The following MGAT4C variants were observed in gnomAD, a reference collection of about 807,000 sequenced individuals.
MGAT4C encodes the protein alpha-1,3-mannosyl-glycoprotein 4-beta-N-acetylglucosaminyltransferase C.
MGAT4C carries 19 observed loss-of-function variants against 40.1 expected under a neutral mutation model. The ratio of observed to expected loss-of-function variants is 0.47; its 90% CI spans 0.33 to 0.70. MGAT4C has a LOEUF of 0.70. Ranked by LOEUF, MGAT4C falls within the 30% of genes least tolerant of loss-of-function variation. MGAT4C has a pLI of 0.02. For missense variants in MGAT4C, 491 were observed against 563.2 expected, an observed-to-expected ratio of 0.87 and a Z score of 1.30; for synonymous variants, 181 against 187.1, an observed-to-expected ratio of 0.97 and a Z score of 0.27.
At chr12:86,654,054 T>G (rs1282385757) in intron 2 of MGAT4C, among the ~76,000 whole-genome samples, 4 of 151,966 alleles carry the variant, frequency 2.6e-5, no homozygotes, top group Non-Finnish European at 5.9e-5. Context: ...AGAAAAATTG[T>G]GATGAGGTAA....
Position 86,024,136 on chromosome 12 carries a change from T to G in MGAT4C, c.-7+25538A>C, listed in dbSNP as rs572980453. On this transcript the variant is annotated intron_variant, in intron 2 of 4. Transcript: ENST00000611864. Reference sequence around the variant, plus strand: ...TTTATACCTTTCTATATTTTGTACTTTTTAAAATATGCATATACCCATTAA... The same window carrying G: ...TTTATACCTTTCTATATTTTGTACTGTTTAAAATATGCATATACCCATTAA... Among the ~76,000 whole-genome samples, 12 of 152,024 alleles carry G rather than the reference T, an allele frequency of 7.9e-5. No homozygotes were observed. The South Asian group carries it at 1.9e-3, about 24-fold the overall frequency.
chr12:86,174,412 T>C (rs1887181922), intron 1 of MGAT4C, among the ~76,000 whole-genome samples: 6 of 152,152 alleles, frequency 3.9e-5, no homozygotes, highest in Admixed American at 3.9e-4. Flanking sequence ...TGTTGTGTTA[T>C]GTGCAAAATT....
intron 4 of MGAT4C, among the ~76,000 whole-genome samples, chr12:86,296,507 C>A (rs10776958): frequency 0.89 from 135,378 of 152,264 alleles, 60,383 homozygotes; most frequent in East Asian, 1. Context: ...AGGTGGGGGA[C>A]GGCTCAGGCA....
intron 1 of MGAT4C, among the ~76,000 whole-genome samples, chr12:86,198,459 T>C (rs1593210564): frequency 6.6e-6 from 1 of 152,214 alleles, no homozygotes; most frequent in Admixed American, 6.5e-5. Flanking sequence ...GCTTTTTAGA[T>C]GAATTCATAA....
chr12:86,830,491 G>A (rs768104665), intron 1 of MGAT4C, among the ~76,000 whole-genome samples: 1 of 151,698 alleles, frequency 6.6e-6, no homozygotes, highest in Non-Finnish European at 1.5e-5. Context: ...TGTAGATTTA[G>A]TGAATACTAT....
At chr12:86,548,439 T>C (rs1418948265) in intron 2 of MGAT4C, among the ~76,000 whole-genome samples, 1 of 152,152 alleles carries the variant, frequency 6.6e-6, no homozygotes, top group Non-Finnish European at 1.5e-5. Context: ...GTTCTTTCTC[T>C]TTCTCACAAT....
chr12:86,325,163 C>A (rs1386924386), intron 4 of MGAT4C, among the ~76,000 whole-genome samples: 1 of 151,888 alleles, frequency 6.6e-6, no homozygotes, highest in African/African-American at 2.4e-5. Context: ...CATTCAAGTA[C>A]AGATATTTAT....
At chr12:86,192,550 G>C (rs531808696) in intron 1 of MGAT4C, among the ~76,000 whole-genome samples, 1 of 152,166 alleles carries the variant, frequency 6.6e-6, no homozygotes, top group South Asian at 2.1e-4. Context: ...CCTCTAATTA[G>C]ACTCAAATCC....
intron 2 of MGAT4C, among the ~76,000 whole-genome samples, chr12:86,700,178 C>CAGATAGATAGATAGATAGATAGATAGAT (rs370834701): frequency 7.1e-6 from 1 of 140,668 alleles, no homozygotes; most frequent in Admixed American, 7.2e-5. Flanking sequence ...GACAGACAGA[C>CAGATAGATAGATAGATAGATAGATAGAT]AGATAGATAG....
At chr12:86,237,535 CT>C (rs1356931648) in intron 1 of MGAT4C, among the ~76,000 whole-genome samples, 1 of 151,742 alleles carries the variant, frequency 6.6e-6, no homozygotes, top group African/African-American at 2.4e-5. Context: ...CTATTAAAAT[CT>C]TTTATTTAAT....
intron 1 of MGAT4C, among the ~76,000 whole-genome samples, chr12:86,220,493 G>C (rs1350259749): frequency 6.6e-6 from 1 of 152,130 alleles, no homozygotes; most frequent in Non-Finnish European, 1.5e-5. Context: ...GTTTGTAAAT[G>C]AATTTACCAC....
At chr12:86,673,159 G>A (rs1034230622) in intron 2 of MGAT4C, among the ~76,000 whole-genome samples, 12 of 152,192 alleles carry the variant, frequency 7.9e-5, no homozygotes, top group African/African-American at 2.2e-4. Context: ...CAGGGCTTAC[G>A]GGAACCGTTC....
rs142459517 is a variant in MGAT4C, at chr12:86,020,022, G to A, written c.-7+29652C>T. On this transcript the variant is annotated intron_variant, in intron 2 of 4. Transcript: ENST00000611864. ...GTTATTGTTGTATAAGAATGCTTGTGATTTTTGCACATTGATTTTGTATCC... is the reference window on the plus strand; with the variant it reads ...GTTATTGTTGTATAAGAATGCTTGTAATTTTTGCACATTGATTTTGTATCC... Among the ~76,000 whole-genome samples the A allele has an allele frequency of 4.2e-3, 643 of 152,268 alleles. 4 individuals carry two copies. The highest frequency in any genetic ancestry group is 0.015 in the African/African-American group (619 of 41,542).
At chr12:86,393,027 A>G (rs374791940) in intron 3 of MGAT4C, among the ~76,000 whole-genome samples, 1 of 152,196 alleles carries the variant, frequency 6.6e-6, no homozygotes, top group African/African-American at 2.4e-5. Context: ...ACATACAAAC[A>G]TGTAAATTAA....
chr12:86,628,630 C>A (rs925267761), intron 2 of MGAT4C, among the ~76,000 whole-genome samples: 4 of 152,126 alleles, frequency 2.6e-5, no homozygotes, highest in African/African-American at 7.2e-5. Flanking sequence ...CCCAGAATTT[C>A]ATATACACCC....
intron 2 of MGAT4C, among the ~76,000 whole-genome samples, chr12:86,678,618 C>T (rs1280809837): frequency 6.9e-6 from 1 of 145,088 alleles, no homozygotes; most frequent in African/African-American, 2.6e-5. Flanking sequence ...TATGATGTTC[C>T]CCTTCCTGTG....
At chr12:86,110,281 C>CTATATATA (rs796290962) in intron 1 of MGAT4C, among the ~76,000 whole-genome samples, 1 of 17,134 alleles carries the variant, frequency 5.8e-5, no homozygotes, top group African/African-American at 2.0e-4. Context: ...TATATATAGT[C>CTATATATA]TATATATATA....
At chr12:86,195,255 T>A (rs1949758909) in intron 1 of MGAT4C, among the ~76,000 whole-genome samples, 1 of 152,212 alleles carries the variant, frequency 6.6e-6, no homozygotes, top group African/African-American at 2.4e-5. Context: ...TCTCAAGGGC[T>A]GGTTGCTGAA....
chr12:86,697,395 A>G (rs1446234570), intron 2 of MGAT4C, among the ~76,000 whole-genome samples: 1 of 152,068 alleles, frequency 6.6e-6, no homozygotes, highest in Non-Finnish European at 1.5e-5. Flanking sequence ...ATACAGTTGT[A>G]ACCTAAATTT....
Sources: allele counts gnomAD v4.1 joint callset (sites outside exome capture counted in the v4.1 genomes callset), GRCh38; gene constraint gnomAD v4.1.1; transcripts MANE v1.5; gene names NCBI Gene and HGNC (gene_info 2026-07-23, HGNC 2026-07-21).